The following TENM3 variants were observed in gnomAD, a reference collection of about 807,000 sequenced individuals.
TENM3 encodes teneurin transmembrane protein 3.
In TENM3, 63 loss-of-function variants were observed where a neutral mutation model predicts 255.1. That is an observed-to-expected ratio of 0.25 (90% CI 0.20 to 0.30). The LOEUF (loss-of-function observed/expected upper bound fraction) is 0.30. TENM3 is among the 10% of genes least tolerant of loss of function. The probability of loss-of-function intolerance (pLI) is 1.00; values close to 1 mark genes in which losing one functional copy is unlikely to be tolerated. For synonymous variants in TENM3, 1,306 were observed against 1,322.3 expected (o/e 0.99, Z 0.27); for missense variants, 2,929 against 3,461.1 (o/e 0.85, Z 3.86).
the TENM3 span, among the ~76,000 whole-genome samples, chr4:181,693,524 CCT>C: frequency 6.6e-6 from 1 of 152,150 alleles, no homozygotes; most frequent in South Asian, 2.1e-4. Context: ...TATGTAGTCC[CCT>C]GACTTTGACT....
chr4:182,690,517 C>T (rs951617877), intron 12 of TENM3, among the ~76,000 whole-genome samples: 2 of 152,126 alleles, frequency 1.3e-5, no homozygotes, highest in East Asian at 3.9e-4. Context: ...TGTGACTCCA[C>T]CACCCGATAC....
chr4:182,220,458 T>G (rs182263345), intron 1 of TENM3, among the ~76,000 whole-genome samples: 53 of 149,944 alleles, frequency 3.5e-4, no homozygotes, highest in East Asian at 2.6e-3. Context: ...CTTACACTGT[T>G]CAGGGCTCTG....
upstream of TENM3, chr4:182,144,647 C>A (rs545021198): frequency 6.7e-6 from 1 of 148,274 alleles, no homozygotes; most frequent in South Asian, 2.1e-4. Flanking sequence ...CCCCCCTCCC[C>A]CGCGCCCGGC....
At chr4:182,519,254 C>A (rs1330775046) in intron 3 of TENM3, among the ~76,000 whole-genome samples, 1 of 152,070 alleles carries the variant, frequency 6.6e-6, no homozygotes, top group East Asian at 1.9e-4. Flanking sequence ...ATTAAGTAAA[C>A]TGCATTATTC....
chr4:181,718,242 T>C, the TENM3 span, among the ~76,000 whole-genome samples: 29 of 152,234 alleles, frequency 1.9e-4, no homozygotes, highest in African/African-American at 7.0e-4. Context: ...AAAGATTTCC[T>C]GTGACCTTGG....
intron 1 of TENM3, among the ~76,000 whole-genome samples, chr4:182,214,847 A>C (rs575278383): frequency 2.6e-5 from 4 of 152,154 alleles, no homozygotes; most frequent in Non-Finnish European, 4.4e-5. Flanking sequence ...TTTTTTTATA[A>C]ATTAAATGTA....
At chr4:182,100,448 A>AATAT in the TENM3 span, among the ~76,000 whole-genome samples, 109 of 114,710 alleles carry the variant, frequency 9.5e-4, 4 homozygotes, top group South Asian at 0.019. Flanking sequence ...TAAAAAAAAA[A>AATAT]ATATATATAT....
chr4:182,309,435 T>C (rs189779261), intron 1 of TENM3, among the ~76,000 whole-genome samples: 2 of 152,306 alleles, frequency 1.3e-5, no homozygotes, highest in African/African-American at 2.4e-5. Flanking sequence ...TGGGGGTAGT[T>C]ACCAGGTCTT....
At chr4:181,661,738 T>C in the TENM3 span, among the ~76,000 whole-genome samples, 1 of 152,082 alleles carries the variant, frequency 6.6e-6, no homozygotes, top group Admixed American at 6.6e-5. Flanking sequence ...TCTGTATTAA[T>C]GGAGGGTTTT....
chr4:181,705,944 A>T, the TENM3 span, among the ~76,000 whole-genome samples: 1 of 152,274 alleles, frequency 6.6e-6, no homozygotes, highest in South Asian at 2.1e-4. Context: ...ACAAGAGCAA[A>T]ACTCCATCTA....
rs967061118 is a variant in TENM3 at position 182,553,920 on chromosome 4, C to T, written c.512-47004C>T. On this transcript the variant is annotated intron_variant, in intron 3 of 27. Transcript: ENST00000511685. ...CAATCTTTTCTCTCTGCCAAATGAA[C>T]AATTTTATGTCTCTTCCCTTACTCT... Among the ~76,000 whole-genome samples, 4 of 152,162 alleles carry T rather than the reference C, an allele frequency of 2.6e-5. 1 individual carries two copies. Among genetic ancestry groups the T allele is most frequent in the African/African-American group, 9.7e-5 (4 of 41,448 alleles).
intron 6 of TENM3, among the ~76,000 whole-genome samples, chr4:182,657,341 C>T (rs912390379): frequency 6.6e-6 from 1 of 152,168 alleles, no homozygotes; most frequent in Non-Finnish European, 1.5e-5. Flanking sequence ...CCTCTCTCAG[C>T]AGATGACCCT....
At chr4:181,964,226 C>T in the TENM3 span, among the ~76,000 whole-genome samples, 1 of 152,038 alleles carries the variant, frequency 6.6e-6, no homozygotes, top group African/African-American at 2.4e-5. Flanking sequence ...GAGGCATTTG[C>T]TCCAATTGCA....
At chr4:182,025,705 T>C in the TENM3 span, among the ~76,000 whole-genome samples, 1 of 152,188 alleles carries the variant, frequency 6.6e-6, no homozygotes, top group Non-Finnish European at 1.5e-5. Context: ...GTCTTTTGGA[T>C]ATAAGCCATT....
the TENM3 span, among the ~76,000 whole-genome samples, chr4:181,719,000 A>T: frequency 5.3e-5 from 8 of 151,786 alleles, no homozygotes; most frequent in African/African-American, 1.9e-4. Flanking sequence ...AGGTCAGGAG[A>T]TCGAGACCAT....
At chr4:182,321,873 A>T (rs1400132626) in intron 1 of TENM3, among the ~76,000 whole-genome samples, 20 of 151,970 alleles carry the variant, frequency 1.3e-4, no homozygotes. Flanking sequence ...TGAACCCAGG[A>T]GGCGGAGGTT....
the TENM3 span, among the ~76,000 whole-genome samples, chr4:181,951,113 T>C: frequency 2.0e-5 from 3 of 152,194 alleles, no homozygotes; most frequent in Non-Finnish European, 4.4e-5. Flanking sequence ...AAAATCTTAA[T>C]TTGGATAATG....
chr4:182,266,502 T>C (rs1759252863), intron 1 of TENM3, among the ~76,000 whole-genome samples: 1 of 152,200 alleles, frequency 6.6e-6, no homozygotes, highest in African/African-American at 2.4e-5. Flanking sequence ...CTTAAAGCAT[T>C]AATCTGCTCT....
chr4:182,597,006 C>G (rs1477360431), intron 3 of TENM3, among the ~76,000 whole-genome samples: 2 of 152,182 alleles, frequency 1.3e-5, no homozygotes, highest in African/African-American at 4.8e-5. Flanking sequence ...GATCCTTAAA[C>G]ACTTTTATAG....
Sources: allele counts gnomAD v4.1 joint callset (sites outside exome capture counted in the v4.1 genomes callset), GRCh38; gene constraint gnomAD v4.1.1; transcripts MANE v1.5; gene names NCBI Gene and HGNC (gene_info 2026-07-23, HGNC 2026-07-21).